Variants in WDR33 observed in about 807,000 individuals in gnomAD.
WDR33 encodes WD repeat domain 33.
In WDR33, 47 loss-of-function variants were observed where a neutral mutation model predicts 164.9. The ratio of observed to expected loss-of-function variants is 0.29; its 90% CI spans 0.23 to 0.36. The LOEUF (loss-of-function observed/expected upper bound fraction) is 0.36. Ranked by LOEUF, WDR33 falls within the 10% of genes least tolerant of loss-of-function variation. The pLI is 1.00. For synonymous variants in WDR33, 505 were observed against 589.0 expected (o/e 0.86, Z 2.06); for missense variants, 1,137 against 1,754.1 (o/e 0.65, Z 6.28).
rs1685948211 is a variant in WDR33 at position 127,703,737 on chromosome 2, G to A, written c.*2586C>T. 1.2e-5 allele frequency: 2 copies of A among 166,986 alleles called. No homozygotes were observed. Among genetic ancestry groups the A allele is most frequent in the Non-Finnish European group, 2.9e-5 (2 of 68,106 alleles). 10.3% of individuals were successfully genotyped at this position (166,986 alleles called of 1,614,324 possible). ...GCTCTTTCTAGTCCCCTAAATTTCT[G>A]TTCTAGTTTTAAATTTCTCTAGAAC... is the stretch of plus-strand genomic sequence containing the variant. On this transcript the variant is annotated 3_prime_UTR_variant, in exon 22 of 22. Transcript: ENST00000322313.
rs1208405032 is a variant in WDR33, at chr2:127,720,246, T to C, written c.1779A>G (p.Pro593=). Residue 593 remains proline (P), a synonymous_variant, in exon 16 of 22, where the codon CCA becomes CCG. Transcript: ENST00000322313. The surrounding 1 kb of genome is among the most constrained non-coding windows in gnomAD (Gnocchi z 5.9). ...LGPQPFPGQG[P]MSQIPQGFQQ... ...GAAAACCTTGAGGAATCTGAGACAT[T>C]GGACCTTGTCCTGGAAAAGGCTGGG... 8 of 1,578,468 alleles carry C rather than the reference T, an allele frequency of 5.1e-6. No individual in the cohort carries two copies. The highest frequency in any genetic ancestry group is 6.9e-6 in the Non-Finnish European group (8 of 1,161,652).
chr2:127,761,866 T>C (rs1333839210), intron 7 of WDR33, among the ~76,000 whole-genome samples: 1 of 152,194 alleles, frequency 6.6e-6, no homozygotes, highest in African/African-American at 2.4e-5. Flanking sequence ...GCTACAGTCA[T>C]ACAGTACTGT....
intron 7 of WDR33, among the ~76,000 whole-genome samples, chr2:127,758,969 T>C (rs7576459): frequency 0.16 from 24,279 of 152,242 alleles, 2,110 homozygotes; most frequent in South Asian, 0.25. Flanking sequence ...GTCAAATGTG[T>C]AAACATAACC....
chr2:127,721,374 C>CT lies in WDR33; in HGVS notation c.1671+461dup, dbSNP rs1409586263. ...CTGTCTGCCTCGGCCTCCCAAAGTG[C>CT]TGGGATTACAGGTGTAAGCCACCAC... On this transcript the variant is annotated intron_variant, in intron 15 of 21. Coordinates refer to ENST00000322313, the MANE Select transcript of WDR33 (RefSeq NM_018383.5). The surrounding 1 kb of genome is among the most constrained non-coding windows in gnomAD (Gnocchi z 4.9). 6.6e-6 allele frequency among the ~76,000 whole-genome samples: 1 copy of CT among 152,152 alleles called. No homozygotes were observed. Among genetic ancestry groups the CT allele is most frequent in the African/African-American group, 2.4e-5 (1 of 41,424 alleles).
In WDR33 at chr2:127,703,425, G is replaced by A. The variant is rs1410859213; in HGVS notation, c.*2898C>T. On this transcript the variant is annotated 3_prime_UTR_variant, in exon 22 of 22. Coordinates refer to ENST00000322313, the MANE Select transcript of WDR33 (RefSeq NM_018383.5). ...TGGATCCCAGTGTTGCCTTAACAGGGTGTCTGTCGTGCCGCAGTAGAGCAC... is the reference window on the plus strand; with the variant it reads ...TGGATCCCAGTGTTGCCTTAACAGGATGTCTGTCGTGCCGCAGTAGAGCAC... The A allele has an allele frequency of 6.0e-6, 1 of 167,050 alleles. No individual in the cohort carries two copies. Among genetic ancestry groups the A allele is most frequent in the Admixed American group, 6.5e-5 (1 of 15,284 alleles). The allele number at this position is 167,050 out of a possible 1,614,324, so 10.3% of individuals were successfully genotyped here.
Position 127,720,839 on chromosome 2 carries a change from G to A in WDR33, c.1672-486C>T, listed in dbSNP as rs901201268. Among the ~76,000 whole-genome samples the A allele has an allele frequency of 9.8e-5, 15 of 152,286 alleles. No individual in the cohort carries two copies. The East Asian group carries it at 1.4e-3, about 14-fold the overall frequency. ...CTCCCAAAGTGCTGGGATTACAGGCGTGAGCCACTGTGCCTGGCCTAGTCA... is the reference window on the plus strand; with the variant it reads ...CTCCCAAAGTGCTGGGATTACAGGCATGAGCCACTGTGCCTGGCCTAGTCA... On this transcript the variant is annotated intron_variant, in intron 15 of 21. Coordinates refer to ENST00000322313, the MANE Select transcript of WDR33 (RefSeq NM_018383.5). This position sits in a 1 kb window ranked among gnomAD's most constrained non-coding sequence, Gnocchi z 5.9.
intron 1 of WDR33, among the ~76,000 whole-genome samples, chr2:127,776,401 C>A (rs1265726428): frequency 2.0e-5 from 3 of 152,162 alleles, no homozygotes; most frequent in Non-Finnish European, 1.5e-5. Flanking sequence ...GCAGTCAAGG[C>A]AAAATACCTC....
chr2:127,783,771 A>G (rs1688462182), intron 1 of WDR33, among the ~76,000 whole-genome samples: 1 of 151,362 alleles, frequency 6.6e-6, no homozygotes, highest in Non-Finnish European at 1.5e-5. Context: ...CCCCCAGCTA[A>G]TTTTTTGTAT....
At position 127,741,244 on chromosome 2, in the gene WDR33, CAA is replaced by C. The variant is rs1006053754; in HGVS notation, c.725-14469_725-14468del. On this transcript the variant is annotated intron_variant, in intron 7 of 21. Transcript: ENST00000322313. The surrounding 1 kb of genome is among the most constrained non-coding windows in gnomAD (Gnocchi z 4.1). ...TTTGAGGCTGAAGAGTAAAGCAGCA[CAA>C]AGTCTGCAGAAATGCCACGGATGAC... Among the ~76,000 whole-genome samples the C allele has an allele frequency of 6.6e-6, 1 of 151,970 alleles. No individual in the cohort carries two copies. Among genetic ancestry groups the C allele is most frequent in the African/African-American group, 2.4e-5 (1 of 41,328 alleles).
chr2:127,736,387 A>C, intron 7 of WDR33: 3 of 985,434 alleles, frequency 3.0e-6, no homozygotes, highest in Non-Finnish European at 3.6e-6. Flanking sequence ...GCAAAATGTA[A>C]GGATTTGATC....
rs188267562 is a variant in WDR33, at chr2:127,770,416, G to A, written c.204+362C>T. Among the ~76,000 whole-genome samples, 87 of 152,242 alleles carry A rather than the reference G, an allele frequency of 5.7e-4. No individual in the cohort carries two copies. Among genetic ancestry groups the A allele is most frequent in the African/African-American group, 1.9e-3 (77 of 41,540 alleles). ...CTTCTTTTAAATAACCAGGCCGGGC[G>A]CAGTGGCTCATGCCTGTAATCCCAG... On this transcript the variant is annotated intron_variant, in intron 2 of 21. Coordinates refer to ENST00000322313, the MANE Select transcript of WDR33 (RefSeq NM_018383.5). The surrounding 1 kb of genome is among the most constrained non-coding windows in gnomAD (Gnocchi z 4.9).
At chr2:127,768,892 G>T in intron 3 of WDR33, 41 bp downstream of exon 3, 1 of 1,472,258 alleles carries the variant, frequency 6.8e-7, no homozygotes. Flanking sequence ...ATTCAAGCAA[G>T]GAAGTGTTTA....
intron 1 of WDR33, among the ~76,000 whole-genome samples, chr2:127,803,591 A>G (rs946150997): frequency 2.0e-5 from 3 of 152,060 alleles, no homozygotes; most frequent in Admixed American, 2.0e-4. Flanking sequence ...TAAAATACCA[A>G]TGTAAGCTGA....
At chr2:127,769,575 C>T (rs1376853143) in intron 2 of WDR33, among the ~76,000 whole-genome samples, 1 of 152,144 alleles carries the variant, frequency 6.6e-6, no homozygotes, top group Non-Finnish European at 1.5e-5. Flanking sequence ...GGTAGAAAGA[C>T]ATCCCCAATT....
Position 127,710,273 on chromosome 2 carries a change from C to T in WDR33, c.3309-417G>A, listed in dbSNP as rs762663772. ...TCTGAACTCAGCCAGTCTTGACCCT[C>T]GGCCCAGGTTCTGTATCACTGCCTC... On this transcript the variant is annotated intron_variant, in intron 18 of 21. Coordinates refer to ENST00000322313, the MANE Select transcript of WDR33 (RefSeq NM_018383.5). This position sits in a 1 kb window ranked among gnomAD's most constrained non-coding sequence, Gnocchi z 4.4. Among the ~76,000 whole-genome samples, 62 of 152,224 alleles carry T rather than the reference C, an allele frequency of 4.1e-4. 1 individual carries two copies. Among genetic ancestry groups the T allele is most frequent in the Admixed American group, 6.5e-5 (1 of 15,286 alleles).
At chr2:127,756,108 C>T (rs184122018) in intron 7 of WDR33, among the ~76,000 whole-genome samples, 163 of 152,022 alleles carry the variant, frequency 1.1e-3, no homozygotes, top group East Asian at 6.8e-3. Flanking sequence ...CTGAGACGAG[C>T]GGATCACTTG....
intron 7 of WDR33, chr2:127,762,400 T>C (rs1050921309): frequency 3.5e-6 from 2 of 575,170 alleles, no homozygotes; most frequent in East Asian, 1.4e-4. Context: ...CTCACATTGA[T>C]GTACTGTTAA....
In WDR33 at chr2:127,719,876, T is replaced by C; in HGVS notation, c.2149A>G (p.Ile717Val). ...GGGCCAGGCGGGCCTTGGGGGCCTATGTGACCCTGTGGGCCAGGTGGACCC... is the reference window on the plus strand; with the variant it reads ...GGGCCAGGCGGGCCTTGGGGGCCTACGTGACCCTGTGGGCCAGGTGGACCC... ...PQGPPGPQGH[I>V]GPQGPPGPQG... The change falls in exon 16 of 22, where the codon ATA becomes GTA. Residue 717 changes from isoleucine to valine, a missense_variant. Physicochemically the swap from Ile to Val is conservative, Grantham distance 29. Around this residue, in one of 9 missense-constraint regions of WDR33, gnomAD observed 867 missense variants for 1,073.0 expected, o/e 0.81. Transcript: ENST00000322313. This position sits in a 1 kb window ranked among gnomAD's most constrained non-coding sequence, Gnocchi z 6.5. 6.2e-7 allele frequency: 1 copy of C among 1,613,552 alleles called. No homozygotes were observed. The highest frequency in any genetic ancestry group is 8.5e-7 in the Non-Finnish European group (1 of 1,179,894).
intron 7 of WDR33, among the ~76,000 whole-genome samples, chr2:127,756,334 CAA>C (rs57883631): frequency 0.37 from 40,013 of 109,288 alleles, 6,032 homozygotes; most frequent in African/African-American, 0.47. Flanking sequence ...ATTCCAACTC[CAA>C]AAAAAAAAAA....
Sources: gnomAD v4.1 joint callset for allele counts (sites outside exome capture counted in the v4.1 genomes callset) on GRCh38, gnomAD v4.1.1 for gene constraint, gnomAD v4.1.1 regional missense constraint, Gnocchi (gnomAD v3.1) non-coding constraint, MANE v1.5 for transcripts, NCBI Gene and HGNC (gene_info 2026-07-23, HGNC 2026-07-21) for gene names.